EPC2: variants seen among roughly 807,000 people sequenced by gnomAD.
The protein encoded by EPC2 is enhancer of polycomb 2.
A neutral mutation model predicts 92.1 loss-of-function variants in EPC2; 14 were observed. That is an observed-to-expected ratio of 0.15 (90% CI 0.10 to 0.24). The LOEUF (loss-of-function observed/expected upper bound fraction) is 0.24. Among genes scored for constraint, EPC2 ranks in the 10% least tolerant of loss-of-function variants. The pLI is 1.00. For missense variants in EPC2, 755 were observed against 971.5 expected, an observed-to-expected ratio of 0.78 and a Z score of 2.96; for synonymous variants, 340 against 334.7, an observed-to-expected ratio of 1.02 and a Z score of -0.17.
chr2:148,713,526 T>A (rs955121413), intron 2 of EPC2, among the ~76,000 whole-genome samples: 1 of 152,194 alleles, frequency 6.6e-6, no homozygotes, highest in East Asian at 1.9e-4. Context: ...AAATTTTTTT[T>A]AAGTTTAGTG....
chr2:148,737,042 C>T (rs1056009926), intron 2 of EPC2, among the ~76,000 whole-genome samples: 2 of 152,164 alleles, frequency 1.3e-5, no homozygotes, highest in Non-Finnish European at 2.9e-5. Context: ...ATCAAGACTG[C>T]AGCCAAGATT....
chr2:148,751,011 C>T (rs1054218129), intron 3 of EPC2, among the ~76,000 whole-genome samples: 69 of 152,144 alleles, frequency 4.5e-4, no homozygotes, highest in African/African-American at 1.5e-3. Context: ...ACATTGTTCC[C>T]TTATTAATTA....
At chr2:148,707,237 A>G (rs1472518604) in intron 2 of EPC2, among the ~76,000 whole-genome samples, 1 of 152,222 alleles carries the variant, frequency 6.6e-6, no homozygotes, top group Non-Finnish European at 1.5e-5. Context: ...AACAAAGATC[A>G]AAAGAGATAA....
At chr2:148,670,753 C>A (rs1371565106) in intron 1 of EPC2, among the ~76,000 whole-genome samples, 2 of 152,212 alleles carry the variant, frequency 1.3e-5, no homozygotes, top group South Asian at 2.1e-4. Context: ...CTCTGCTGCC[C>A]AGGCTAGAGT....
At chr2:148,718,362 T>A (rs1243699720) in intron 2 of EPC2, among the ~76,000 whole-genome samples, 6 of 152,200 alleles carry the variant, frequency 3.9e-5, no homozygotes, top group African/African-American at 1.2e-4. Context: ...TGTGTTTTTG[T>A]AGCAACTGGT....
At position 148,724,784 on chromosome 2, in the gene EPC2, G is replaced by T. The variant is rs576869625; in HGVS notation, c.314-18838G>T. On this transcript the variant is annotated intron_variant, in intron 2 of 13. Coordinates refer to ENST00000258484, the MANE Select transcript of EPC2 (RefSeq NM_015630.4). ...CATTGATGATATTGAAGCAGGAACT[G>T]TTGATAGAGATGTCATATTGGGAGT... is the stretch of plus-strand genomic sequence containing the variant. Among the ~76,000 whole-genome samples the T allele has an allele frequency of 2.6e-5, 4 of 152,206 alleles. No individual in the cohort carries two copies. The South Asian group carries it at 8.3e-4, about 32-fold the overall frequency.
chr2:148,675,483 TCTG>T (rs969611856), intron 1 of EPC2, among the ~76,000 whole-genome samples: 2 of 152,218 alleles, frequency 1.3e-5, no homozygotes, highest in African/African-American at 4.8e-5. Context: ...TACATTTTCT[TCTG>T]TTCATTTTTT....
chr2:148,738,341 C>G (rs2105402976), intron 2 of EPC2, among the ~76,000 whole-genome samples: 1 of 152,302 alleles, frequency 6.6e-6, no homozygotes, highest in Non-Finnish European at 1.5e-5. Context: ...GGAGTGTCAC[C>G]TGTCAAACAT....
intron 2 of EPC2, among the ~76,000 whole-genome samples, chr2:148,711,373 C>G (rs992352637): frequency 2.0e-5 from 3 of 151,942 alleles, no homozygotes; most frequent in Non-Finnish European, 4.4e-5. Flanking sequence ...ACTTGGGATT[C>G]TAAGTATTTT....
rs1683724524 is a variant in EPC2 at position 148,780,419 on chromosome 2, T to C, written c.1721-1225T>C. Among the ~76,000 whole-genome samples the C allele has an allele frequency of 1.3e-5, 2 of 152,174 alleles. 1 individual carries two copies. The highest frequency in any genetic ancestry group is 4.1e-4 in the South Asian group (2 of 4,828). ...ATCTAATTTACCATAAAAAAATTTTTTTGATTATTCATGTGTGATCCTATT... is the reference window on the plus strand; with the variant it reads ...ATCTAATTTACCATAAAAAAATTTTCTTGATTATTCATGTGTGATCCTATT... On this transcript the variant is annotated intron_variant, in intron 10 of 13. Coordinates refer to ENST00000258484, the MANE Select transcript of EPC2 (RefSeq NM_015630.4).
intron 8 of EPC2, 91 bp from the exon 9 acceptor site, chr2:148,770,701 G>A: frequency 7.8e-7 from 1 of 1,279,328 alleles, no homozygotes; most frequent in Non-Finnish European, 1.0e-6. Context: ...TGCTAATGTT[G>A]CAGTTACTTC....
chr2:148,709,838 A>T (rs1682094602), intron 2 of EPC2, among the ~76,000 whole-genome samples: 1 of 152,222 alleles, frequency 6.6e-6, no homozygotes, highest in Non-Finnish European at 1.5e-5. Flanking sequence ...TCTTATACAA[A>T]AGTTAATTCA....
At chr2:148,693,678 T>G (rs538985862) in intron 2 of EPC2, among the ~76,000 whole-genome samples, 7 of 152,254 alleles carry the variant, frequency 4.6e-5, no homozygotes, top group African/African-American at 1.2e-4. Context: ...CAGTACACTT[T>G]TCCTTCCTAA....
intron 2 of EPC2, among the ~76,000 whole-genome samples, chr2:148,719,224 CTGAAGT>C (rs1015061599): frequency 2.0e-5 from 3 of 152,180 alleles, no homozygotes; most frequent in African/African-American, 7.2e-5. Context: ...TTACCACCTT[CTGAAGT>C]CTACTTCTGT....
intron 7 of EPC2, among the ~76,000 whole-genome samples, chr2:148,765,790 C>T (rs1683396420): frequency 6.6e-6 from 1 of 152,164 alleles, no homozygotes; most frequent in Non-Finnish European, 1.5e-5. Context: ...ATAATCCCAG[C>T]ACTTTGGGAG....
chr2:148,713,447 CAA>C (rs892632448), intron 2 of EPC2, among the ~76,000 whole-genome samples: 1 of 151,858 alleles, frequency 6.6e-6, no homozygotes, highest in Non-Finnish European at 1.5e-5. Flanking sequence ...ACAAAAGAGA[CAA>C]AAAGTTAAAA....
intron 2 of EPC2, among the ~76,000 whole-genome samples, chr2:148,716,586 G>A (rs1208505401): frequency 6.6e-6 from 1 of 152,196 alleles, no homozygotes; most frequent in Non-Finnish European, 1.5e-5. Flanking sequence ...GCATCCTGGG[G>A]ATGAAGTCTG....
At chr2:148,740,708 C>T (rs1400775569) in intron 2 of EPC2, among the ~76,000 whole-genome samples, 1 of 152,014 alleles carries the variant, frequency 6.6e-6, no homozygotes, top group African/African-American at 2.4e-5. Flanking sequence ...GTATATATAG[C>T]CTTGCCCTTG....
At chr2:148,727,130 A>C (rs1428229124) in intron 2 of EPC2, among the ~76,000 whole-genome samples, 1 of 152,184 alleles carries the variant, frequency 6.6e-6, no homozygotes, top group Non-Finnish European at 1.5e-5. Context: ...GTAAGGATCC[A>C]ATTTCATTAT....
Sources: gnomAD v4.1 joint callset for allele counts (sites outside exome capture counted in the v4.1 genomes callset) on GRCh38, gnomAD v4.1.1 for gene constraint, MANE v1.5 for transcripts, NCBI Gene and HGNC (gene_info 2026-07-23, HGNC 2026-07-21) for gene names.